The following NEK10 variants were observed in gnomAD, a reference collection of about 807,000 sequenced individuals.
NEK10 encodes the protein serine/threonine-protein kinase Nek10.
Under a neutral mutation model 159.8 loss-of-function variants are expected in NEK10, and 122 were observed. That is an observed-to-expected ratio of 0.76 (90% confidence interval 0.66 to 0.89). The LOEUF is 0.89. Among genes scored for constraint, NEK10 ranks in the 40% least tolerant of loss-of-function variants. The pLI, the probability that NEK10 is intolerant of heterozygous loss-of-function variation, is 0.00. For missense variants in NEK10, 1,342 were observed against 1,323.1 expected (o/e 1.01, Z -0.22); for synonymous variants, 466 against 457.1 (o/e 1.02, Z -0.25).
intron 32 of NEK10, among the ~76,000 whole-genome samples, chr3:27,131,338 C>T (rs1363542197): frequency 6.6e-6 from 1 of 152,110 alleles, no homozygotes. Flanking sequence ...CAGAGGTAAA[C>T]AATTTTCTTT....
chr3:27,167,765 A>T (rs1160999853), intron 29 of NEK10, among the ~76,000 whole-genome samples: 1 of 152,232 alleles, frequency 6.6e-6, no homozygotes, highest in Non-Finnish European at 1.5e-5. Flanking sequence ...TGATCTTGCC[A>T]TTAACTATAT....
intron 13 of NEK10, among the ~76,000 whole-genome samples, chr3:27,298,162 G>C (rs1037225397): frequency 6.6e-6 from 1 of 152,074 alleles, no homozygotes; most frequent in African/African-American, 2.4e-5. Flanking sequence ...TGGTTTGGCT[G>C]TGTCCCCACC....
intron 25 of NEK10, among the ~76,000 whole-genome samples, chr3:27,193,377 T>C (rs1353640963): frequency 6.6e-6 from 1 of 152,180 alleles, no homozygotes; most frequent in Non-Finnish European, 1.5e-5. Flanking sequence ...AATCTGACTA[T>C]ATTATTTCTC....
intron 6 of NEK10, among the ~76,000 whole-genome samples, chr3:27,320,794 A>T (rs2045566314): frequency 6.6e-6 from 1 of 152,204 alleles, no homozygotes; most frequent in Non-Finnish European, 1.5e-5. Context: ...GATTCTTCTA[A>T]TGGAAAGATG....
rs1948402288 is a variant in NEK10 at position 27,184,241 on chromosome 3, T to C, written c.2505+7788A>G. Among the ~76,000 whole-genome samples the C allele has an allele frequency of 2.0e-5, 3 of 152,208 alleles. No individual in the cohort carries two copies. In the South Asian group the frequency reaches 6.2e-4, roughly 32 times the overall value. ...TGTAGTCATATAATTTAACACTGCCTAGCAATATGAACAAATTACTAATAC... is the reference window on the plus strand; with the variant it reads ...TGTAGTCATATAATTTAACACTGCCCAGCAATATGAACAAATTACTAATAC... On this transcript the variant is annotated intron_variant, in intron 26 of 35. Transcript: ENST00000691995.
At chr3:27,152,180 G>C (rs1490921285) in intron 30 of NEK10, among the ~76,000 whole-genome samples, 1 of 152,080 alleles carries the variant, frequency 6.6e-6, no homozygotes, top group Non-Finnish European at 1.5e-5. Flanking sequence ...TCATCACCTA[G>C]GCACATTGTC....
At chr3:27,359,427 T>C (rs1296459470) in intron 1 of NEK10, among the ~76,000 whole-genome samples, 8 of 152,174 alleles carry the variant, frequency 5.3e-5, no homozygotes, top group Non-Finnish European at 1.0e-4. Flanking sequence ...TCATTTTAGA[T>C]GACAAGTTAC....
At chr3:27,148,292 G>A (rs1179129489) in intron 30 of NEK10, among the ~76,000 whole-genome samples, 3 of 152,214 alleles carry the variant, frequency 2.0e-5, no homozygotes, top group South Asian at 2.1e-4. Context: ...CTTAATGACT[G>A]ATTCAATGAT....
chr3:27,298,784 C>T (rs537523657), intron 13 of NEK10, among the ~76,000 whole-genome samples: 46 of 152,132 alleles, frequency 3.0e-4, no homozygotes, highest in Non-Finnish European at 5.9e-4. Context: ...GTGACTCTTG[C>T]TATGTTTTAG....
chr3:27,364,898 C>T (rs376852401), intron 1 of NEK10, among the ~76,000 whole-genome samples: 1 of 152,284 alleles, frequency 6.6e-6, no homozygotes, highest in East Asian at 1.9e-4. Context: ...ATGTAACACT[C>T]CTAATGAATC....
At chr3:27,364,507 C>T (rs113737307) in intron 1 of NEK10, among the ~76,000 whole-genome samples, 33,993 of 151,936 alleles carry the variant, frequency 0.22, 4,312 homozygotes, top group Middle Eastern at 0.37. Context: ...GGATTACAGG[C>T]GTGAGCCACA....
intron 11 of NEK10, among the ~76,000 whole-genome samples, chr3:27,306,579 G>A (rs2044260183): frequency 6.6e-6 from 1 of 152,110 alleles, no homozygotes. Context: ...ATTTGATCAT[G>A]CTTAAAATGT....
chr3:27,236,304 GTAAA>G (rs1295808631), intron 23 of NEK10, among the ~76,000 whole-genome samples: 1 of 151,964 alleles, frequency 6.6e-6, no homozygotes, highest in Non-Finnish European at 1.5e-5. Flanking sequence ...TAAAAAATAA[GTAAA>G]TAAATAAATG....
chr3:27,121,222 G>A (rs1257425293), intron 32 of NEK10, among the ~76,000 whole-genome samples: 2 of 152,010 alleles, frequency 1.3e-5, no homozygotes, highest in Non-Finnish European at 2.9e-5. Flanking sequence ...TATATATCAT[G>A]GTGTGTTCAT....
intron 5 of NEK10, among the ~76,000 whole-genome samples, chr3:27,335,030 T>C (rs958229481): frequency 1.3e-5 from 2 of 151,748 alleles, no homozygotes; most frequent in East Asian, 1.9e-4. Flanking sequence ...ACCAAAAACA[T>C]AGATATCTTA....
intron 1 of NEK10, among the ~76,000 whole-genome samples, chr3:27,361,070 A>C (rs2048648959): frequency 6.6e-6 from 1 of 152,222 alleles, no homozygotes; most frequent in African/African-American, 2.4e-5. Context: ...TCCTCTGGCT[A>C]ATACTGGCCC....
intron 23 of NEK10, among the ~76,000 whole-genome samples, chr3:27,246,715 C>A (rs796228541): frequency 2.3e-4 from 35 of 152,214 alleles, no homozygotes; most frequent in African/African-American, 8.4e-4. Flanking sequence ...CCTTCCTAGC[C>A]CCGGTGACCA....
chr3:27,157,854 T>A (rs921285581), intron 30 of NEK10, among the ~76,000 whole-genome samples: 5 of 152,186 alleles, frequency 3.3e-5, no homozygotes, highest in African/African-American at 1.2e-4. Context: ...ACCAGCCTGA[T>A]CAATCTGCAG....
Position 27,342,326 on chromosome 3 carries a change from G to A in NEK10, c.362+1946C>T, listed in dbSNP as rs75083871. 1.2e-4 allele frequency among the ~76,000 whole-genome samples: 19 copies of A among 152,254 alleles called. No homozygotes were observed. In the East Asian group the frequency reaches 3.7e-3, roughly 29 times the overall value. ...TAAAGTTAGAAGGGAAGAAAAAAAA[G>A]GAGGGATGATCCTGGCTATTTTAGC... On this transcript the variant is annotated intron_variant, in intron 5 of 35. Coordinates refer to ENST00000691995, the MANE Select transcript of NEK10 (RefSeq NM_001394966.1).
Sources: gnomAD v4.1 joint callset for allele counts (sites outside exome capture counted in the v4.1 genomes callset) on GRCh38, gnomAD v4.1.1 for gene constraint, MANE v1.5 for transcripts, NCBI Gene and HGNC (gene_info 2026-07-23, HGNC 2026-07-21) for gene names.